FAAH2: variants seen among roughly 807,000 people sequenced by gnomAD.
The protein encoded by FAAH2 is fatty acid amide hydrolase 2, also known as fatty-acid amide hydrolase 2.
A neutral mutation model predicts 36.9 loss-of-function variants in FAAH2; 60 were observed. The observed-to-expected ratio is 1.63, with a 90% CI of 1.32 to 2.02. The LOEUF (loss-of-function observed/expected upper bound fraction) is 2.02. Ranked by LOEUF, FAAH2 falls within the 30% of genes most tolerant of loss-of-function variation. FAAH2 has a pLI of 0.00. For synonymous variants in FAAH2, 214 were observed against 143.8 expected, an observed-to-expected ratio of 1.49 and a Z score of -3.49; for missense variants, 689 against 397.5, an observed-to-expected ratio of 1.73 and a Z score of -6.23.
chrX:57,248,345 C>T, the FAAH2 span, among the ~76,000 whole-genome samples: 2 of 111,871 alleles, frequency 1.8e-5, no homozygotes, highest in Non-Finnish European at 3.8e-5. Flanking sequence ...CAGGGAACAC[C>T]TGCTAGGAGT....
rs1240432990 is a variant in FAAH2 at position 57,324,406 on chromosome X, A to G, written c.413-7192A>G. On this transcript the variant is annotated intron_variant, in intron 3 of 10. Transcript: ENST00000374900. ...TCTTTGGTAGCTTGATGCGGATGGC[A>G]TTGAATCTATAAATTACCTTGGGCA... Among the ~76,000 whole-genome samples, 4 of 111,979 alleles carry G rather than the reference A, an allele frequency of 3.6e-5. No individual in the cohort carries two copies. The East Asian group carries it at 1.1e-3, about 31-fold the overall frequency.
At chrX:57,424,785 G>A (rs767599849) in intron 7 of FAAH2, among the ~76,000 whole-genome samples, 6 of 112,049 alleles carry the variant, frequency 5.4e-5, no homozygotes, top group Admixed American at 1.9e-4. Flanking sequence ...ATCTCCAGAT[G>A]AGGAGAAAGC....
chrX:57,323,682 G>GTTT (rs141756561), intron 3 of FAAH2, among the ~76,000 whole-genome samples: 5 of 63,496 alleles, frequency 7.9e-5, no homozygotes, highest in African/African-American at 1.6e-4. Context: ...TGATGGGGTT[G>GTTT]TTTTTTTTTT....
chrX:57,257,508 A>T, the FAAH2 span, among the ~76,000 whole-genome samples: 2 of 109,220 alleles, frequency 1.8e-5, no homozygotes, highest in East Asian at 6.0e-4. Context: ...ACACATGGAC[A>T]CAGGGAGAGG....
chrX:57,281,975 G>A (rs1037805050), upstream of FAAH2, among the ~76,000 whole-genome samples: 2 of 111,691 alleles, frequency 1.8e-5, no homozygotes, highest in African/African-American at 6.5e-5. Flanking sequence ...AATGTTGATG[G>A]GCATTTCGGT....
At chrX:57,179,015 C>T in the FAAH2 span, among the ~76,000 whole-genome samples, 3 of 111,352 alleles carry the variant, frequency 2.7e-5, no homozygotes, top group Non-Finnish European at 5.7e-5. Flanking sequence ...ATTTTATATC[C>T]AGCCAAACCA....
intron 7 of FAAH2, among the ~76,000 whole-genome samples, chrX:57,420,848 G>T (rs1005566254): frequency 2.7e-5 from 3 of 111,268 alleles, no homozygotes; most frequent in Admixed American, 9.6e-5. Context: ...TGTGATATTG[G>T]CTATTGGTTT....
At chrX:57,482,015 C>T (rs1045696293) in intron 10 of FAAH2, among the ~76,000 whole-genome samples, 5 of 111,596 alleles carry the variant, frequency 4.5e-5, no homozygotes, top group South Asian at 3.8e-4. Context: ...CCAGCCCAGA[C>T]CTCCCAGCCT....
At chrX:57,294,426 C>T (rs1401448239) in intron 2 of FAAH2, among the ~76,000 whole-genome samples, 1 of 111,859 alleles carries the variant, frequency 8.9e-6, no homozygotes, top group African/African-American at 3.2e-5. Flanking sequence ...TTTTTTACCT[C>T]CTTCCCAAAC....
rs757049360 is a variant in FAAH2, at chrX:57,411,673, A to C, written c.997-20245A>C. Among the ~76,000 whole-genome samples, 9 of 111,756 alleles carry C rather than the reference A, an allele frequency of 8.1e-5. 1 individual carries two copies. Among genetic ancestry groups the C allele is most frequent in the Middle Eastern group, 8.5e-3 (2 of 236 alleles). ...CAAGAGAGAAGGTCATCTCCTGGGCAGTATTCTGCATGGCCGGGGAAGCTG... is the reference window on the plus strand; with the variant it reads ...CAAGAGAGAAGGTCATCTCCTGGGCCGTATTCTGCATGGCCGGGGAAGCTG... On this transcript the variant is annotated intron_variant, in intron 7 of 10. Transcript: ENST00000374900.
chrX:57,407,147 T>C (rs2147324647), intron 7 of FAAH2, among the ~76,000 whole-genome samples: 1 of 112,432 alleles, frequency 8.9e-6, no homozygotes, highest in Admixed American at 9.3e-5. Context: ...TGCAGTTCCC[T>C]AAGGATCTAG....
intron 7 of FAAH2, among the ~76,000 whole-genome samples, chrX:57,411,364 A>G (rs1310805926): frequency 9.0e-6 from 1 of 111,373 alleles, no homozygotes; most frequent in Admixed American, 9.6e-5. Context: ...TCCATATGCT[A>G]TTTATTGTTC....
the FAAH2 span, among the ~76,000 whole-genome samples, chrX:57,254,444 T>C: frequency 5.4e-5 from 6 of 111,643 alleles, no homozygotes; most frequent in Non-Finnish European, 7.5e-5. Flanking sequence ...TCTATAGAAC[T>C]CTCCACTCCA....
intron 10 of FAAH2, among the ~76,000 whole-genome samples, chrX:57,464,791 A>G (rs910660818): frequency 2.7e-5 from 3 of 111,573 alleles, no homozygotes; most frequent in Non-Finnish European, 5.6e-5. Context: ...CCACAGCATC[A>G]TACAATTTAC....
At chrX:57,476,055 C>A (rs2057261157) in intron 10 of FAAH2, among the ~76,000 whole-genome samples, 1 of 111,712 alleles carries the variant, frequency 9.0e-6, no homozygotes, top group African/African-American at 3.3e-5. Context: ...TATCCTGAGA[C>A]TTTGCTGAAG....
the FAAH2 span, among the ~76,000 whole-genome samples, chrX:57,218,409 G>A: frequency 8.9e-6 from 1 of 112,039 alleles, no homozygotes; most frequent in Non-Finnish European, 1.9e-5. Context: ...TTAATCTAAA[G>A]CGATGCTGGA....
the FAAH2 span, among the ~76,000 whole-genome samples, chrX:57,271,994 C>T: frequency 3.7e-5 from 4 of 109,420 alleles, no homozygotes; most frequent in African/African-American, 1.3e-4. Context: ...TGCAAGGAAG[C>T]TAAGAACCTT....
chrX:57,293,396 G>A (rs1192203495), intron 2 of FAAH2, among the ~76,000 whole-genome samples: 2 of 112,048 alleles, frequency 1.8e-5, no homozygotes, highest in African/African-American at 6.5e-5. Context: ...TATAAGTACT[G>A]CATCAAATGG....
At chrX:57,312,181 T>C (rs2052713348) in intron 3 of FAAH2, among the ~76,000 whole-genome samples, 1 of 112,426 alleles carries the variant, frequency 8.9e-6, no homozygotes, top group Admixed American at 9.4e-5. Flanking sequence ...TGCTGTCTCT[T>C]TCTGCTCTCC....
Sources: gnomAD v4.1 joint callset for allele counts (sites outside exome capture counted in the v4.1 genomes callset) on GRCh38, gnomAD v4.1.1 for gene constraint, MANE v1.5 for transcripts, NCBI Gene and HGNC (gene_info 2026-07-23, HGNC 2026-07-21) for gene names.